KSR2: variants seen among roughly 807,000 people sequenced by gnomAD.
KSR2 encodes kinase suppressor of ras 2.
A neutral mutation model predicts 107.8 loss-of-function variants in KSR2; 25 were observed. The observed-to-expected ratio is 0.23, with a 90% CI of 0.17 to 0.32. The LOEUF (loss-of-function observed/expected upper bound fraction) is 0.32, where lower values mean the gene tolerates loss of function less well. Among genes scored for constraint, KSR2 ranks in the 10% least tolerant of loss-of-function variants. The probability of loss-of-function intolerance (pLI) is 1.00; values close to 1 mark genes in which losing one functional copy is unlikely to be tolerated. For synonymous variants in KSR2, 480 were observed against 507.0 expected, an observed-to-expected ratio of 0.95 and a Z score of 0.71; for missense variants, 887 against 1,268.9, an observed-to-expected ratio of 0.70 and a Z score of 4.57.
chr12:117,616,297 G>A (rs1215000820), intron 5 of KSR2, among the ~76,000 whole-genome samples: 3 of 152,000 alleles, frequency 2.0e-5, no homozygotes, highest in Non-Finnish European at 2.9e-5. Context: ...ATCAGCAAAA[G>A]TCACTATAAG....
chr12:117,675,490 C>A (rs1885077996), intron 4 of KSR2, among the ~76,000 whole-genome samples: 1 of 152,230 alleles, frequency 6.6e-6, no homozygotes, highest in Non-Finnish European at 1.5e-5. Context: ...TTGTCAGCCC[C>A]CGGCCACCCT....
At chr12:117,726,780 A>G (rs1370116259) in intron 4 of KSR2, among the ~76,000 whole-genome samples, 1 of 152,224 alleles carries the variant, frequency 6.6e-6, no homozygotes, top group African/African-American at 2.4e-5. Flanking sequence ...ATATGCTAGG[A>G]CCTAGGGATT....
chr12:117,663,407 C>G (rs1593106100), intron 5 of KSR2, among the ~76,000 whole-genome samples: 2 of 152,310 alleles, frequency 1.3e-5, no homozygotes, highest in Non-Finnish European at 2.9e-5. Context: ...TAAAAGTGAA[C>G]TGCTTTGTGC....
chr12:117,886,964 C>A (rs949084155), intron 1 of KSR2, among the ~76,000 whole-genome samples: 1 of 152,118 alleles, frequency 6.6e-6, no homozygotes, highest in African/African-American at 2.4e-5. Flanking sequence ...TACTCTATCA[C>A]CAAGGCTGGA....
intron 3 of KSR2, among the ~76,000 whole-genome samples, chr12:117,845,712 G>A (rs1173342745): frequency 4.7e-5 from 7 of 148,528 alleles, no homozygotes; most frequent in African/African-American, 1.8e-4. Flanking sequence ...ACAGGGTCTC[G>A]CTCTATCACT....
chr12:117,875,928 C>G (rs577652347), intron 1 of KSR2, among the ~76,000 whole-genome samples: 1 of 152,300 alleles, frequency 6.6e-6, no homozygotes, highest in African/African-American at 2.4e-5. Context: ...ATTTCCCCAG[C>G]GTTCAGATCC....
At chr12:117,859,618 G>A (rs187205787) in intron 2 of KSR2, among the ~76,000 whole-genome samples, 10 of 151,460 alleles carry the variant, frequency 6.6e-5, no homozygotes, top group Admixed American at 2.6e-4. Context: ...CACCACACCC[G>A]GCTAATTTTT....
intron 3 of KSR2, among the ~76,000 whole-genome samples, chr12:117,801,226 TG>T: frequency 2.0e-5 from 3 of 152,108 alleles, no homozygotes; most frequent in Admixed American, 2.0e-4. Context: ...AGGTGATTCT[TG>T]TGCCTCTGCC....
At chr12:117,576,281 G>C (rs1879279910) in intron 7 of KSR2, among the ~76,000 whole-genome samples, 1 of 152,132 alleles carries the variant, frequency 6.6e-6, no homozygotes, top group South Asian at 2.1e-4. Flanking sequence ...CACGGAATGT[G>C]GTGGGACTAG....
At chr12:117,790,968 T>C (rs77022693) in intron 3 of KSR2, among the ~76,000 whole-genome samples, 1 of 152,130 alleles carries the variant, frequency 6.6e-6, no homozygotes, top group Non-Finnish European at 1.5e-5. Flanking sequence ...ACTAGAACAA[T>C]GGATGTTTTG....
chr12:117,742,822 A>G (rs953260229), intron 4 of KSR2, among the ~76,000 whole-genome samples: 6 of 152,230 alleles, frequency 3.9e-5, no homozygotes, highest in African/African-American at 1.2e-4. Context: ...CTTGTCATTC[A>G]GAGACTCTCT....
intron 14 of KSR2, among the ~76,000 whole-genome samples, chr12:117,524,040 C>T (rs957915135): frequency 6.6e-6 from 1 of 152,206 alleles, no homozygotes; most frequent in African/African-American, 2.4e-5. Flanking sequence ...AGCCCACTCC[C>T]TGGGTTTGTA....
At chr12:117,748,734 G>A (rs575446525) in intron 4 of KSR2, among the ~76,000 whole-genome samples, 1 of 152,176 alleles carries the variant, frequency 6.6e-6, no homozygotes, top group Non-Finnish European at 1.5e-5. Context: ...AGCTGTGCAA[G>A]AGCTTAATGC....
intron 3 of KSR2, among the ~76,000 whole-genome samples, chr12:117,853,728 T>A (rs1308967714): frequency 6.6e-6 from 1 of 152,088 alleles, no homozygotes; most frequent in African/African-American, 2.4e-5. Context: ...AGATTTTGTA[T>A]GTACTGAGTG....
chr12:117,478,579 C>T lies in KSR2; in HGVS notation c.2451-1984G>A, dbSNP rs188813218. On this transcript the variant is annotated intron_variant, in intron 16 of 19. Transcript: ENST00000339824. ...CCTATGAAGTAGCTGGGATTACAGG[C>T]GTGAGCAACCGCACCCTGCTAATTT... Among the ~76,000 whole-genome samples the T allele has an allele frequency of 6.3e-3, 952 of 152,010 alleles. 6 individuals are homozygous for T. The highest frequency in any genetic ancestry group is 0.022 in the African/African-American group (896 of 41,444).
intron 4 of KSR2, among the ~76,000 whole-genome samples, chr12:117,679,847 C>A (rs1235155671): frequency 6.6e-6 from 1 of 152,164 alleles, no homozygotes; most frequent in Non-Finnish European, 1.5e-5. Flanking sequence ...CCAAATCCAG[C>A]CCTCATCTTG....
At chr12:117,613,177 T>C (rs574822277) in intron 5 of KSR2, among the ~76,000 whole-genome samples, 12 of 152,328 alleles carry the variant, frequency 7.9e-5, no homozygotes, top group Middle Eastern at 3.4e-3. Context: ...GAAATGACTC[T>C]CTCATACTTC....
intron 9 of KSR2, among the ~76,000 whole-genome samples, 152 bp from the exon 10 acceptor site, chr12:117,540,039 G>A (rs535237294): frequency 1.2e-4 from 19 of 152,014 alleles, no homozygotes; most frequent in African/African-American, 3.9e-4. Flanking sequence ...AGTCCCTCCC[G>A]CTTCATCAGC....
intron 3 of KSR2, among the ~76,000 whole-genome samples, chr12:117,799,239 C>T (rs567402195): frequency 1.4e-4 from 22 of 152,326 alleles, no homozygotes; most frequent in Admixed American, 2.0e-4. Flanking sequence ...CGGTGGCTCA[C>T]GCCTGTAACC....
Sources: gnomAD v4.1 joint callset for allele counts (sites outside exome capture counted in the v4.1 genomes callset) on GRCh38, gnomAD v4.1.1 for gene constraint, MANE v1.5 for transcripts, NCBI Gene and HGNC (gene_info 2026-07-23, HGNC 2026-07-21) for gene names.